GRIA1: variants seen among roughly 807,000 people sequenced by gnomAD.
GRIA1 encodes the protein glutamate ionotropic receptor AMPA type subunit 1, also known as glutamate receptor 1.
GRIA1 carries 31 observed loss-of-function variants against 99.2 expected under a neutral mutation model. That is an observed-to-expected ratio of 0.31 (90% CI 0.23 to 0.42). The LOEUF is 0.42. Among genes scored for constraint, GRIA1 ranks in the 10% least tolerant of loss-of-function variants. The pLI, the probability that GRIA1 is intolerant of heterozygous loss-of-function variation, is 1.00. For missense variants in GRIA1, 782 were observed against 1,157.5 expected (o/e 0.68, Z 4.71); for synonymous variants, 438 against 432.4 (o/e 1.01, Z -0.16).
intron 11 of GRIA1, among the ~76,000 whole-genome samples, chr5:153,731,807 T>G (rs1458358572): frequency 6.6e-6 from 1 of 152,172 alleles, no homozygotes; most frequent in South Asian, 2.1e-4. Context: ...CAATGCATTA[T>G]TATTCACTAT....
chr5:153,616,604 A>G (rs964111275), intron 2 of GRIA1, among the ~76,000 whole-genome samples: 1 of 152,232 alleles, frequency 6.6e-6, no homozygotes, highest in Non-Finnish European at 1.5e-5. Context: ...GCTCTAGGAT[A>G]CAATTTTATT....
chr5:153,778,158 G>T (rs569207268), intron 13 of GRIA1, among the ~76,000 whole-genome samples: 8 of 149,744 alleles, frequency 5.3e-5, no homozygotes, highest in African/African-American at 2.0e-4. Flanking sequence ...GACAAAGGAA[G>T]GAGGGAGGCA....
intron 13 of GRIA1, among the ~76,000 whole-genome samples, chr5:153,772,014 C>T (rs997671937): frequency 6.6e-6 from 1 of 152,016 alleles, no homozygotes; most frequent in Non-Finnish European, 1.5e-5. Context: ...GAGTTCCAGA[C>T]AGAGACAAGA....
At chr5:153,788,523 GA>G (rs1279247842) in intron 13 of GRIA1, among the ~76,000 whole-genome samples, 1 of 152,136 alleles carries the variant, frequency 6.6e-6, no homozygotes, top group African/African-American at 2.4e-5. Context: ...CTCCCCATAA[GA>G]ATGTGATCTC....
At chr5:153,628,094 C>T (rs955227665) in intron 2 of GRIA1, among the ~76,000 whole-genome samples, 13 of 152,080 alleles carry the variant, frequency 8.5e-5, no homozygotes, top group African/African-American at 2.9e-4. Context: ...AATTCTAACA[C>T]GAGGTAGGAA....
intron 2 of GRIA1, among the ~76,000 whole-genome samples, chr5:153,593,237 C>A (rs1424129693): frequency 6.6e-6 from 1 of 152,128 alleles, no homozygotes; most frequent in Admixed American, 6.5e-5. Flanking sequence ...ACTGCCCTCC[C>A]ACCTGGGTGA....
Position 153,681,263 on chromosome 5 carries a change from C to T in GRIA1, c.1029+4102C>T, listed in dbSNP as rs529528872. On this transcript the variant is annotated intron_variant, in intron 7 of 15. Transcript: ENST00000285900. ...AACTTATTCATTACCATGGGGAGGGCGCCAAGCCATTCAGGAAAGTTCCGC... is the reference window on the plus strand; with the variant it reads ...AACTTATTCATTACCATGGGGAGGGTGCCAAGCCATTCAGGAAAGTTCCGC... Among the ~76,000 whole-genome samples, 188 of 152,230 alleles carry T rather than the reference C, an allele frequency of 1.2e-3. No individual in the cohort carries two copies. In the Middle Eastern group the frequency reaches 0.017, roughly 14 times the overall value.
chr5:153,643,992 G>A (rs1753958504), intron 2 of GRIA1, among the ~76,000 whole-genome samples: 2 of 152,164 alleles, frequency 1.3e-5, no homozygotes, highest in African/African-American at 2.4e-5. Context: ...GGTGACATGA[G>A]GGAATAGATC....
chr5:153,732,860 ACTTT>A, intron 11 of GRIA1, among the ~76,000 whole-genome samples: 1 of 151,624 alleles, frequency 6.6e-6, no homozygotes, highest in Non-Finnish European at 1.5e-5. Flanking sequence ...TTCTGGTCTT[ACTTT>A]AAGTCTTAAA....
intron 2 of GRIA1, among the ~76,000 whole-genome samples, chr5:153,575,072 T>A (rs1009860044): frequency 6.6e-6 from 1 of 152,166 alleles, no homozygotes; most frequent in Non-Finnish European, 1.5e-5. Flanking sequence ...TTCTTGTTGA[T>A]TTTGAGCTGG....
chr5:153,557,353 C>T (rs1407163975), intron 2 of GRIA1, among the ~76,000 whole-genome samples: 1 of 152,202 alleles, frequency 6.6e-6, no homozygotes, highest in Non-Finnish European at 1.5e-5. Context: ...CAACCTCCAC[C>T]TCCCAGGTTC....
chr5:153,573,155 A>T (rs1271230227), intron 2 of GRIA1: 2 of 152,192 alleles, frequency 1.3e-5, no homozygotes, highest in Non-Finnish European at 1.5e-5. Context: ...TGTATTGTTG[A>T]GGGTGCCAGG....
At position 153,686,337 on chromosome 5, in the gene GRIA1, C is replaced by T. The variant is rs1284464954; in HGVS notation, c.1134+8C>T. ...CATGACGGCATCCGAAAGGTAAGGTCCCCCTTTACTTCTGTTCTGCAGAGA... is the reference window on the plus strand; with the variant it reads ...CATGACGGCATCCGAAAGGTAAGGTTCCCCTTTACTTCTGTTCTGCAGAGA... On this transcript the variant is annotated splice_region_variant and intron_variant, in intron 8 of 15. Coordinates refer to ENST00000285900, the MANE Select transcript of GRIA1 (RefSeq NM_000827.4). 6 of 1,601,416 alleles carry T rather than the reference C, an allele frequency of 3.7e-6. No individual in the cohort carries two copies. The East Asian group carries it at 8.9e-5, about 24-fold the overall frequency.
At chr5:153,678,294 A>G (rs1198757157) in intron 7 of GRIA1, among the ~76,000 whole-genome samples, 2 of 152,214 alleles carry the variant, frequency 1.3e-5, no homozygotes, top group Non-Finnish European at 2.9e-5. Context: ...TTTCACAACC[A>G]GGAGAAAGAG....
chr5:153,758,384 CA>C (rs1453637114), intron 11 of GRIA1, among the ~76,000 whole-genome samples: 1 of 151,046 alleles, frequency 6.6e-6, no homozygotes, highest in Admixed American at 6.6e-5. Flanking sequence ...TAAATTAAAA[CA>C]AAAAAATGGA....
At chr5:153,489,981 G>A (rs1191726870), upstream of GRIA1, 1 of 377,030 alleles carries the variant, frequency 2.7e-6, no homozygotes, top group Non-Finnish European at 5.2e-6. Context: ...AGGTAGACAG[G>A]GACTGTCAAA....
At chr5:153,682,194 C>A (rs1039732529) in intron 7 of GRIA1, among the ~76,000 whole-genome samples, 1 of 151,994 alleles carries the variant, frequency 6.6e-6, no homozygotes, top group Non-Finnish European at 1.5e-5. Flanking sequence ...AGAATGTGAC[C>A]CAGCAAGGAC....
At chr5:153,509,887 C>T (rs531441504) in intron 2 of GRIA1, among the ~76,000 whole-genome samples, 1 of 152,242 alleles carries the variant, frequency 6.6e-6, no homozygotes, top group East Asian at 1.9e-4. Flanking sequence ...GAAATGCCCT[C>T]CAGAGTCTTC....
intron 11 of GRIA1, among the ~76,000 whole-genome samples, chr5:153,743,867 G>A (rs2149578980): frequency 6.6e-6 from 1 of 152,320 alleles, no homozygotes; most frequent in South Asian, 2.1e-4. Context: ...CACATCCTAT[G>A]CATAACGGGG....
Sources: gnomAD v4.1 joint callset for allele counts (sites outside exome capture counted in the v4.1 genomes callset) on GRCh38, gnomAD v4.1.1 for gene constraint, MANE v1.5 for transcripts, NCBI Gene and HGNC (gene_info 2026-07-23, HGNC 2026-07-21) for gene names.